The following MYLK variants were observed in gnomAD, a reference collection of about 807,000 sequenced individuals.
The protein encoded by MYLK is myosin light chain kinase, also known as myosin light chain kinase, smooth muscle.
In MYLK, 106 loss-of-function variants were observed where a neutral mutation model predicts 203.4. That is an observed-to-expected ratio of 0.52 (90% CI 0.45 to 0.61). The LOEUF is 0.61. Ranked by LOEUF, MYLK falls within the 20% of genes least tolerant of loss-of-function variation. The pLI, the probability that MYLK is intolerant of heterozygous loss-of-function variation, is 0.00. For missense variants in MYLK, 2,072 were observed against 2,442.3 expected, an observed-to-expected ratio of 0.85 and a Z score of 3.20; for synonymous variants, 867 against 959.5, an observed-to-expected ratio of 0.90 and a Z score of 1.78.
chr3:123,711,101 AG>A (rs1416097682), intron 13 of MYLK, among the ~76,000 whole-genome samples: 1 of 151,864 alleles, frequency 6.6e-6, no homozygotes, highest in African/African-American at 2.4e-5. Flanking sequence ...AAAAAAAAAA[AG>A]GAAGATGCCA....
chr3:123,807,953 C>T (rs1050276229), intron 3 of MYLK, among the ~76,000 whole-genome samples: 2 of 152,220 alleles, frequency 1.3e-5, no homozygotes, highest in South Asian at 2.1e-4. Flanking sequence ...GCCCTCACTG[C>T]CCTCCTGAGA....
Position 123,733,020 on chromosome 3 carries a change from A to G in MYLK, c.1392T>C (p.Tyr464=), listed in dbSNP as rs142740353. The G allele has an allele frequency of 1.3e-5, 21 of 1,614,088 alleles. No individual in the cohort carries two copies. The highest frequency in any genetic ancestry group is 4.0e-5 in the African/African-American group (3 of 74,946). The change falls in exon 11 of 34, where the codon TAT becomes TAC. Residue 464 remains tyrosine, a synonymous_variant. Transcript: ENST00000360304. ...AGAGGTAATGGGAGCCAGCATCTTC[A>G]TAAACCTCAATGCTGCCTTCCTGTC... The part of the protein sequence containing the change: ...VRRQEGSIEV[Y]EDAGSHYLCL...
At chr3:123,883,163 T>G (rs1218949740) in intron 1 of MYLK, among the ~76,000 whole-genome samples, 1 of 152,058 alleles carries the variant, frequency 6.6e-6, no homozygotes, top group Non-Finnish European at 1.5e-5. Context: ...CAGCCTCTCT[T>G]GGAAGGGGGA....
rs748506730 is a variant in MYLK, at chr3:123,657,294, C to A, written c.4120G>T (p.Ala1374Ser). Residue 1374 changes from alanine to serine, a missense_variant, in exon 24 of 34, where the codon GCC (alanine) becomes TCC (serine). Ala to Ser is a moderately conservative substitution (Grantham distance 99, BLOSUM62 1). Coordinates refer to ENST00000360304, the MANE Select transcript of MYLK (RefSeq NM_053025.4). ...QSYSIEIWDS[A>S]NKTWKELATC... ...GCTAGTTCCTTCCACGTCTTGTTGG[C>A]TGAGTCCCAGATCTCGATGCTGTAG... 8 of 1,614,130 alleles carry A rather than the reference C, an allele frequency of 5.0e-6. No individual in the cohort carries two copies. In the South Asian group the frequency reaches 8.8e-5, roughly 18 times the overall value.
chr3:123,696,226 C>T (rs1474252712), intron 18 of MYLK, among the ~76,000 whole-genome samples: 1 of 152,118 alleles, frequency 6.6e-6, no homozygotes, highest in Non-Finnish European at 1.5e-5. Context: ...ATAAACAGCA[C>T]GTCCACTAGC....
In MYLK at chr3:123,732,888, G is replaced by T. The variant is rs764306826; in HGVS notation, c.1516+8C>A. On this transcript the variant is annotated splice_region_variant and intron_variant, in intron 11 of 33. Coordinates refer to ENST00000360304, the MANE Select transcript of MYLK (RefSeq NM_053025.4). Reference sequence around the variant, plus strand: ...AGAATGCGGGGTGACCTGGAGAAGTGTACTCACTTTCCACTTGGAGGGTCC... The same window carrying T: ...AGAATGCGGGGTGACCTGGAGAAGTTTACTCACTTTCCACTTGGAGGGTCC... 1.9e-6 allele frequency: 3 copies of T among 1,613,282 alleles called. No homozygotes were observed. The highest frequency in any genetic ancestry group is 1.7e-5 in the Admixed American group (1 of 60,020).
At chr3:123,677,883 GAATATATATATATA>G (rs2060120992) in intron 20 of MYLK, among the ~76,000 whole-genome samples, 1 of 28,218 alleles carries the variant, frequency 3.5e-5, no homozygotes, top group Non-Finnish European at 7.3e-5. Context: ...ATAAATAAAT[GAATATATATATATA>G]TATATATATA....
At chr3:123,847,062 T>C (rs761902716) in intron 2 of MYLK, among the ~76,000 whole-genome samples, 15 of 152,250 alleles carry the variant, frequency 9.9e-5, no homozygotes, top group Admixed American at 2.6e-4. Context: ...AAAATATATT[T>C]TTTAAAAATC....
At chr3:123,706,405 G>A (rs2061462553) in intron 16 of MYLK, among the ~76,000 whole-genome samples, 1 of 152,130 alleles carries the variant, frequency 6.6e-6, no homozygotes, top group Admixed American at 6.5e-5. Context: ...TGAACATGAT[G>A]GGCTCAGCAT....
chr3:123,696,064 T>C (rs1219630169), intron 18 of MYLK, among the ~76,000 whole-genome samples: 1 of 152,174 alleles, frequency 6.6e-6, no homozygotes, highest in African/African-American at 2.4e-5. Flanking sequence ...CAACTAGTGG[T>C]GAACTCTAGC....
chr3:123,757,593 A>C (rs552056375), intron 4 of MYLK, among the ~76,000 whole-genome samples: 16 of 152,346 alleles, frequency 1.1e-4, no homozygotes, highest in African/African-American at 2.9e-4. Context: ...GCCCAGCAGG[A>C]CACTGGGGAT....
At chr3:123,814,149 G>T in intron 3 of MYLK, 1 of 366,092 alleles carries the variant, frequency 2.7e-6, no homozygotes, top group Non-Finnish European at 5.5e-6. Flanking sequence ...CAGAAACACT[G>T]ACTCATGGGC....
chr3:123,858,693 A>AT (rs1459548876), intron 2 of MYLK, among the ~76,000 whole-genome samples: 1 of 152,156 alleles, frequency 6.6e-6, no homozygotes, highest in East Asian at 1.9e-4. Flanking sequence ...CCATTAATCC[A>AT]TGAATGGATT....
intron 19 of MYLK, chr3:123,692,520 G>T: frequency 1.2e-6 from 1 of 813,010 alleles, no homozygotes; most frequent in Non-Finnish European, 1.9e-6. Flanking sequence ...GGGGAGGGGT[G>T]AAGCCATGTA....
In MYLK at chr3:123,726,212, C is replaced by G. The variant is rs113783716; in HGVS notation, c.1517-134G>C. 4 of 1,148,574 alleles carry G rather than the reference C, an allele frequency of 3.5e-6. No homozygotes were observed. In the African/African-American group the frequency reaches 4.6e-5, roughly 13 times the overall value. 71.1% of individuals were successfully genotyped at this position (1,148,574 alleles called of 1,614,324 possible). On this transcript the variant is annotated intron_variant, in intron 11 of 33. Coordinates refer to ENST00000360304, the MANE Select transcript of MYLK (RefSeq NM_053025.4). ...ACCCTCGGCAGCCTGCCTTTGGCTT[C>G]TCTCTCTTCATGCTTAAGAAACAGG...
chr3:123,788,499 T>C (rs1363554913), intron 4 of MYLK, among the ~76,000 whole-genome samples: 1 of 151,702 alleles, frequency 6.6e-6, no homozygotes, highest in Non-Finnish European at 1.5e-5. Context: ...TTTAATTCAT[T>C]TAGCATTAGG....
At chr3:123,872,841 A>G (rs2032893991) in intron 2 of MYLK, among the ~76,000 whole-genome samples, 2 of 152,302 alleles carry the variant, frequency 1.3e-5, no homozygotes, top group East Asian at 1.9e-4. Context: ...ATCACTGGCC[A>G]TTAATGATTT....
chr3:123,866,527 C>T (rs1234293051), intron 2 of MYLK, among the ~76,000 whole-genome samples: 2 of 151,896 alleles, frequency 1.3e-5, no homozygotes, highest in Middle Eastern at 3.2e-3. Context: ...AAAATGTAAA[C>T]CATGTTGGAT....
In MYLK at chr3:123,613,392, G is replaced by T. The variant is rs886057848; in HGVS notation, c.*713C>A. The T allele has an allele frequency of 6.6e-6, 1 of 152,098 alleles. No individual in the cohort carries two copies. The highest frequency in any genetic ancestry group is 2.1e-4 in the South Asian group (1 of 4,818). 9.4% of individuals were successfully genotyped at this position (152,098 alleles called of 1,614,324 possible). A position where few individuals can be genotyped will look rare whatever the true frequency, so the allele number is the denominator to read the frequency against. ...AAATGTCTGAAGCTGCTAGACATCT[G>T]CAAAGAGGGGATAAGTTTAGATTTC... On this transcript the variant is annotated 3_prime_UTR_variant, in exon 34 of 34. Transcript: ENST00000360304.
Sources: allele counts gnomAD v4.1 joint callset (sites outside exome capture counted in the v4.1 genomes callset), GRCh38; gene constraint gnomAD v4.1.1; transcripts MANE v1.5; gene names NCBI Gene and HGNC (gene_info 2026-07-23, HGNC 2026-07-21).